Variants in RBBP5 observed in about 807,000 individuals in gnomAD.
RBBP5 encodes the protein RB binding protein 5, histone lysine methyltransferase complex subunit.
In RBBP5, 5 loss-of-function variants were observed where a neutral mutation model predicts 72.2. The ratio of observed to expected loss-of-function variants is 0.07; its 90% confidence interval spans 0.04 to 0.15. The LOEUF is 0.15. RBBP5 is among the 10% of genes least tolerant of loss of function. RBBP5 has a pLI of 1.00. For missense variants in RBBP5, 322 were observed against 652.2 expected (o/e 0.49, Z 5.51); for synonymous variants, 209 against 237.2 (o/e 0.88, Z 1.09).
intron 3 of RBBP5, among the ~76,000 whole-genome samples, chr1:205,112,759 G>A (rs534077635): frequency 5.9e-5 from 9 of 152,186 alleles, no homozygotes; most frequent in African/African-American, 1.4e-4. Context: ...GAAAAATGTC[G>A]AGACAGTATT....
At chr1:205,119,343 C>G (rs1656650287) in intron 1 of RBBP5, among the ~76,000 whole-genome samples, 1 of 152,102 alleles carries the variant, frequency 6.6e-6, no homozygotes, top group Non-Finnish European at 1.5e-5. Flanking sequence ...TTGCTGTCAG[C>G]CGAGATTGTG....
intron 4 of RBBP5, among the ~76,000 whole-genome samples, chr1:205,104,409 G>A (rs1655968174): frequency 6.6e-6 from 1 of 152,052 alleles, no homozygotes; most frequent in Admixed American, 6.6e-5. Context: ...TGTAATCCCA[G>A]CTACTTGGGA....
At chr1:205,114,674 A>G in intron 3 of RBBP5, 115 bp downstream of exon 3, 1 of 1,016,760 alleles carries the variant, frequency 9.8e-7, no homozygotes. Flanking sequence ...AAACTGTATT[A>G]CTAATGGCTG....
At chr1:205,090,088 G>C (rs377448206) in intron 13 of RBBP5, among the ~76,000 whole-genome samples, 1 of 152,022 alleles carries the variant, frequency 6.6e-6, no homozygotes, top group Non-Finnish European at 1.5e-5. Flanking sequence ...TCCTGTCCTC[G>C]AGTGATCCAC....
chr1:205,096,163 A>T (rs188092532), intron 12 of RBBP5, among the ~76,000 whole-genome samples: 1 of 152,294 alleles, frequency 6.6e-6, no homozygotes, highest in East Asian at 1.9e-4. Context: ...ACTGCACTGC[A>T]GCCTGGGCAA....
intron 3 of RBBP5, among the ~76,000 whole-genome samples, chr1:205,113,315 GTC>G (rs66870893): frequency 0.19 from 28,739 of 150,428 alleles, 3,016 homozygotes; most frequent in East Asian, 0.39. Flanking sequence ...AAGGTTTATT[GTC>G]ACCCAGGCAC....
At chr1:205,120,536 C>T (rs374421588) in intron 1 of RBBP5, among the ~76,000 whole-genome samples, 1 of 152,180 alleles carries the variant, frequency 6.6e-6, no homozygotes, top group South Asian at 2.1e-4. Context: ...AGGCCGGACA[C>T]TTTGGGAGGC....
intron 1 of RBBP5, among the ~76,000 whole-genome samples, chr1:205,119,451 G>A (rs1437117318): frequency 6.6e-6 from 1 of 152,284 alleles, no homozygotes; most frequent in East Asian, 1.9e-4. Context: ...TGAACCTTCT[G>A]TATCATTCAA....
At chr1:205,104,545 A>G (rs1655976195) in intron 4 of RBBP5, among the ~76,000 whole-genome samples, 1 of 149,160 alleles carries the variant, frequency 6.7e-6, no homozygotes, top group Non-Finnish European at 1.5e-5. Flanking sequence ...ATTTAAATTA[A>G]AAAAAACGCA....
At chr1:205,104,530 T>A (rs1188085597) in intron 4 of RBBP5, among the ~76,000 whole-genome samples, 2 of 135,900 alleles carry the variant, frequency 1.5e-5, no homozygotes, top group East Asian at 4.6e-4. Flanking sequence ...CTCAAAAAAA[T>A]TAAAATTTAA....
chr1:205,108,661 G>A (rs1656178411), intron 3 of RBBP5, among the ~76,000 whole-genome samples: 1 of 152,196 alleles, frequency 6.6e-6, no homozygotes, highest in South Asian at 2.1e-4. Context: ...CCCAGGTTTT[G>A]AAATCAAGAG....
chr1:205,110,967 G>A (rs1656289040), intron 3 of RBBP5, among the ~76,000 whole-genome samples: 1 of 152,146 alleles, frequency 6.6e-6, no homozygotes, highest in African/African-American at 2.4e-5. Flanking sequence ...AGGAGGCTGA[G>A]GCAGGAGAAT....
chr1:205,099,156 A>C lies in RBBP5; in HGVS notation c.979-50T>G. On this transcript the variant is annotated intron_variant, in intron 9 of 13. Coordinates refer to ENST00000264515, the MANE Select transcript of RBBP5 (RefSeq NM_005057.4). This position sits in a 1 kb window ranked among gnomAD's most constrained non-coding sequence, Gnocchi z 4.7. Reference sequence around the variant, plus strand: ...ACCATATGTGAAAGCAATAATCTGTAATCTACACATTAATGATAAAATGAA... The same window carrying C: ...ACCATATGTGAAAGCAATAATCTGTCATCTACACATTAATGATAAAATGAA... 2 of 1,038,314 alleles carry C rather than the reference A, an allele frequency of 1.9e-6. No homozygotes were observed. The highest frequency in any genetic ancestry group is 2.8e-6 in the Non-Finnish European group (2 of 715,306). The allele number at this position is 1,038,314 out of a possible 1,614,324, so 64.3% of individuals were successfully genotyped here.
At chr1:205,098,892 T>TG (rs1239663427) in intron 10 of RBBP5, 97 bp downstream of exon 10, 1 of 769,190 alleles carries the variant, frequency 1.3e-6, no homozygotes, top group East Asian at 3.0e-5. Flanking sequence ...GCATTTTAGA[T>TG]GAAGTGCTGA....
chr1:205,104,165 G>A, intron 4 of RBBP5, 146 bp from the exon 5 acceptor site: 3 of 794,664 alleles, frequency 3.8e-6, no homozygotes, highest in South Asian at 4.9e-5. Flanking sequence ...AAAATCCACA[G>A]GTCTAATAAC....
At chr1:205,093,323 T>C (rs1171268223) in intron 13 of RBBP5, among the ~76,000 whole-genome samples, 1 of 150,234 alleles carries the variant, frequency 6.7e-6, no homozygotes, top group East Asian at 1.9e-4. Flanking sequence ...TAGCCAAGCA[T>C]GGTGGTGCAC....
At chr1:205,119,926 A>G (rs1179353052) in intron 1 of RBBP5, among the ~76,000 whole-genome samples, 2 of 152,148 alleles carry the variant, frequency 1.3e-5, no homozygotes, top group African/African-American at 2.4e-5. Context: ...CAAGGTTTCA[A>G]TGAGCCCATC....
chr1:205,103,559 G>T (rs1021910117), intron 5 of RBBP5, among the ~76,000 whole-genome samples: 5 of 152,148 alleles, frequency 3.3e-5, no homozygotes, highest in African/African-American at 7.2e-5. Flanking sequence ...GAGAAATTTT[G>T]ATCAGCAGTG....
chr1:205,114,093 GAA>G (rs1215620856), intron 3 of RBBP5, among the ~76,000 whole-genome samples: 1 of 152,230 alleles, frequency 6.6e-6, no homozygotes. Context: ...GGATATGAAA[GAA>G]AAGTTTTGGC....
Sources: allele counts gnomAD v4.1 joint callset (sites outside exome capture counted in the v4.1 genomes callset), GRCh38; gene constraint gnomAD v4.1.1; non-coding constraint Gnocchi (gnomAD v3.1); transcripts MANE v1.5; gene names NCBI Gene and HGNC (gene_info 2026-07-23, HGNC 2026-07-21).